Variants in STPG2 observed in about 807,000 individuals in gnomAD.
STPG2 encodes the protein sperm-tail PG-rich repeat-containing protein 2.
Under a neutral mutation model 54.2 loss-of-function variants are expected in STPG2, and 56 were observed. That is an observed-to-expected ratio of 1.03 (90% CI 0.83 to 1.29). The LOEUF (loss-of-function observed/expected upper bound fraction) is 1.29, where lower values mean the gene tolerates loss of function less well. Ranked by LOEUF, STPG2 falls within the 50% of genes most tolerant of loss-of-function variation. The pLI, the probability that STPG2 is intolerant of heterozygous loss-of-function variation, is 0.00. For missense variants in STPG2, 596 were observed against 544.9 expected, an observed-to-expected ratio of 1.09 and a Z score of -0.93; for synonymous variants, 200 against 181.8, an observed-to-expected ratio of 1.10 and a Z score of -0.81.
chr4:97,634,991 G>A (rs555276142), intron 10 of STPG2, among the ~76,000 whole-genome samples: 7 of 152,168 alleles, frequency 4.6e-5, no homozygotes, highest in East Asian at 1.9e-4. Context: ...TACAGAGAAC[G>A]CCACAAAGAT....
At chr4:97,646,755 T>A (rs1008955991) in intron 10 of STPG2, among the ~76,000 whole-genome samples, 1 of 152,158 alleles carries the variant, frequency 6.6e-6, no homozygotes, top group Non-Finnish European at 1.5e-5. Flanking sequence ...TAAGTTATAA[T>A]AATTTCAAAA....
intron 8 of STPG2, among the ~76,000 whole-genome samples, chr4:97,865,071 C>G (rs542537292): frequency 6.6e-6 from 1 of 152,260 alleles, no homozygotes; most frequent in East Asian, 1.9e-4. Flanking sequence ...GCAATGGCAA[C>G]AAAAGCCAAA....
At chr4:97,600,862 G>A (rs1733440500) in intron 10 of STPG2, among the ~76,000 whole-genome samples, 1 of 152,002 alleles carries the variant, frequency 6.6e-6, no homozygotes, top group African/African-American at 2.4e-5. Context: ...TGAATTTCCA[G>A]GACTGACAAA....
intron 4 of STPG2, among the ~76,000 whole-genome samples, chr4:97,538,811 A>T (rs557843968): frequency 3.9e-5 from 6 of 152,374 alleles, no homozygotes; most frequent in Non-Finnish European, 8.8e-5. Context: ...GGTTACCCAC[A>T]AAGGGAAGCA....
chr4:97,900,030 A>C (rs909343642), intron 8 of STPG2, among the ~76,000 whole-genome samples: 1 of 152,024 alleles, frequency 6.6e-6, no homozygotes, highest in African/African-American at 2.4e-5. Context: ...TGCATCTGAC[A>C]AAGGTCTAAT....
intron 2 of STPG2, 95 bp from the exon 3 acceptor site, chr4:98,128,687 T>G (rs1363935504): frequency 2.0e-6 from 2 of 1,024,776 alleles, no homozygotes; most frequent in East Asian, 5.5e-5. Flanking sequence ...AACTATTAAA[T>G]ATTGATTTAA....
intron 5 of STPG2, among the ~76,000 whole-genome samples, chr4:98,043,932 C>T (rs576416716): frequency 2.0e-5 from 3 of 152,090 alleles, no homozygotes; most frequent in East Asian, 1.9e-4. Flanking sequence ...CCCACCTCCA[C>T]CCTCAAGTAG....
chr4:97,692,444 T>C lies in STPG2; in HGVS notation c.1320+20255A>G, dbSNP rs565249787. On this transcript the variant is annotated intron_variant, in intron 10 of 10. Transcript: ENST00000295268. Reference sequence around the variant, plus strand: ...GAATCGAACAAGAAAAAGAAAGAAATTCAGATATTCAAAGACAAGGCTTTC... The same window carrying C: ...GAATCGAACAAGAAAAAGAAAGAAACTCAGATATTCAAAGACAAGGCTTTC... 1.3e-3 allele frequency among the ~76,000 whole-genome samples: 192 copies of C among 151,794 alleles called. 1 individual carries two copies. Among genetic ancestry groups the C allele is most frequent in the African/African-American group, 4.6e-3 (191 of 41,426 alleles).
At position 98,095,439 on chromosome 4, in the gene STPG2, A is replaced by G. The variant is rs146376122; in HGVS notation, c.612+10514T>C. Among the ~76,000 whole-genome samples, 637 of 152,314 alleles carry G rather than the reference A, an allele frequency of 4.2e-3. 7 individuals are homozygous for G. Among genetic ancestry groups the G allele is most frequent in the African/African-American group, 0.015 (610 of 41,584 alleles). On this transcript the variant is annotated intron_variant, in intron 5 of 10. Coordinates refer to ENST00000295268, the MANE Select transcript of STPG2 (RefSeq NM_174952.3). ...TGCCGACAAGAAACACACTTCTATA[A>G]AGATGCACAGAGACTGAAAGTAAAA... is the stretch of plus-strand genomic sequence containing the variant.
intron 4 of STPG2, among the ~76,000 whole-genome samples, chr4:97,479,670 A>G (rs1163137527): frequency 6.6e-6 from 1 of 151,918 alleles, no homozygotes. Context: ...GGAAGATTTT[A>G]GAATTGAATA....
intron 4 of STPG2, among the ~76,000 whole-genome samples, chr4:97,541,455 T>C (rs1047466397): frequency 6.6e-6 from 1 of 152,172 alleles, no homozygotes; most frequent in South Asian, 2.1e-4. Context: ...AAACCACTGC[T>C]CAACAAAATG....
Position 97,475,354 on chromosome 4 carries a change from T to C in STPG2, c.462+237345A>G, listed in dbSNP as rs918955036. ...CCTCCAAATGAATTGCATATTTGTA[T>C]ATTAGGTGTGTTATGACTTTTTCTT... is the stretch of plus-strand genomic sequence containing the variant. On this transcript the variant is annotated intron_variant, in intron 4 of 4. Coordinates refer to the STPG2 transcript ENST00000522676. 1.3e-5 allele frequency among the ~76,000 whole-genome samples: 2 copies of C among 151,682 alleles called. 1 individual carries two copies. Among genetic ancestry groups the C allele is most frequent in the Middle Eastern group, 6.9e-3 (2 of 288 alleles).
chr4:97,762,341 T>C (rs750429721), intron 9 of STPG2, among the ~76,000 whole-genome samples: 9 of 152,178 alleles, frequency 5.9e-5, no homozygotes, highest in Non-Finnish European at 1.0e-4. Context: ...TCTGTGCTGT[T>C]CCCTAGTGAC....
At chr4:97,681,963 C>A (rs961386096) in intron 10 of STPG2, among the ~76,000 whole-genome samples, 1 of 151,774 alleles carries the variant, frequency 6.6e-6, no homozygotes, top group East Asian at 1.9e-4. Context: ...ACATTTATAT[C>A]AATTACAATT....
intron 10 of STPG2, among the ~76,000 whole-genome samples, chr4:97,644,235 A>G (rs948627901): frequency 2.0e-5 from 3 of 151,900 alleles, no homozygotes; most frequent in Non-Finnish European, 2.9e-5. Flanking sequence ...TCTTTTGACA[A>G]TAAAATGAAA....
chr4:97,759,763 C>T lies in STPG2; in HGVS notation c.1205-46949G>A, dbSNP rs1167516001. Among the ~76,000 whole-genome samples, 3 of 152,088 alleles carry T rather than the reference C, an allele frequency of 2.0e-5. No individual in the cohort carries two copies. In the East Asian group the frequency reaches 5.8e-4, roughly 29 times the overall value. On this transcript the variant is annotated intron_variant, in intron 9 of 10. Transcript: ENST00000295268. ...GAGTTTCAGGTGCAGTCTAAAAGTG[C>T]ATCCTAAGGAAGGAGGCGGCATTCC...
At chr4:97,817,292 G>T (rs532696051) in intron 9 of STPG2, among the ~76,000 whole-genome samples, 3 of 150,782 alleles carry the variant, frequency 2.0e-5, no homozygotes, top group African/African-American at 7.3e-5. Flanking sequence ...AGATCCTACT[G>T]GCACTATGAA....
At chr4:97,936,117 C>T (rs1419992860) in intron 8 of STPG2, among the ~76,000 whole-genome samples, 2 of 152,272 alleles carry the variant, frequency 1.3e-5, no homozygotes, top group East Asian at 1.9e-4. Flanking sequence ...AAATTCATCC[C>T]TTTACCGTTA....
chr4:97,920,011 C>T (rs1054914747), intron 8 of STPG2, among the ~76,000 whole-genome samples: 3 of 152,144 alleles, frequency 2.0e-5, no homozygotes, highest in Admixed American at 2.0e-4. Context: ...TAACAATGGA[C>T]TCATGTCCAT....
Sources: gnomAD v4.1 joint callset for allele counts (sites outside exome capture counted in the v4.1 genomes callset) on GRCh38, gnomAD v4.1.1 for gene constraint, MANE v1.5 for transcripts, NCBI Gene and HGNC (gene_info 2026-07-23, HGNC 2026-07-21) for gene names.